SHISA9: variants seen among roughly 807,000 people sequenced by gnomAD.
The protein encoded by SHISA9 is shisa family member 9.
SHISA9 carries 13 observed loss-of-function variants against 38.0 expected under a neutral mutation model. That is an observed-to-expected ratio of 0.34 (90% confidence interval 0.22 to 0.54). The LOEUF is 0.54. Ranked by LOEUF, SHISA9 falls within the 20% of genes least tolerant of loss-of-function variation. The pLI is 0.91. For synonymous variants in SHISA9, 275 were observed against 242.0 expected, an observed-to-expected ratio of 1.14 and a Z score of -1.27; for missense variants, 538 against 575.8, an observed-to-expected ratio of 0.93 and a Z score of 0.67.
chr16:13,317,411 C>A, the SHISA9 span, among the ~76,000 whole-genome samples: 2 of 152,150 alleles, frequency 1.3e-5, no homozygotes, highest in South Asian at 4.1e-4. Flanking sequence ...GAAATTTAGG[C>A]AAAGAGTTCA....
chr16:13,224,604 G>A (rs1463898965), intron 4 of SHISA9, among the ~76,000 whole-genome samples: 1 of 152,250 alleles, frequency 6.6e-6, no homozygotes, highest in Non-Finnish European at 1.5e-5. Context: ...GGATACAGCA[G>A]TGAGCAGAAC....
chr16:12,989,285 C>T (rs1159544734), intron 2 of SHISA9, among the ~76,000 whole-genome samples: 1 of 152,104 alleles, frequency 6.6e-6, no homozygotes, highest in Non-Finnish European at 1.5e-5. Context: ...TCAAGTGATT[C>T]TCCTGCCTCA....
chr16:13,172,039 ACTTTCTCTCCTTCCCTTCCTTTCCCCC>A (rs912726493), intron 2 of SHISA9, among the ~76,000 whole-genome samples: 2 of 151,454 alleles, frequency 1.3e-5, no homozygotes, highest in Non-Finnish European at 2.9e-5. Flanking sequence ...CTTCCTTCCC[ACTTTCTCTCCTTCCCTTCCTTTCCCCC>A]CTTTCCCTCC....
intron 2 of SHISA9, among the ~76,000 whole-genome samples, chr16:13,074,481 A>G (rs1017814870): frequency 6.6e-6 from 1 of 152,148 alleles, no homozygotes; most frequent in Non-Finnish European, 1.5e-5. Flanking sequence ...TATGCACACT[A>G]AAAATTGAGA....
At chr16:13,542,426 G>A in the SHISA9 span, among the ~76,000 whole-genome samples, 2 of 152,000 alleles carry the variant, frequency 1.3e-5, no homozygotes, top group East Asian at 3.9e-4. Context: ...AGATAACATC[G>A]TGTTCATTGT....
chr16:13,405,662 G>T, the SHISA9 span, among the ~76,000 whole-genome samples: 2 of 152,100 alleles, frequency 1.3e-5, no homozygotes, highest in African/African-American at 2.4e-5. Flanking sequence ...GTCTGTTGGT[G>T]TCAGCTTTAT....
At chr16:13,261,453 G>A in the SHISA9 span, among the ~76,000 whole-genome samples, 2 of 152,110 alleles carry the variant, frequency 1.3e-5, no homozygotes, top group Non-Finnish European at 2.9e-5. Context: ...CTTGAGCAAG[G>A]CCACAAAGCT....
chr16:13,357,679 G>T, the SHISA9 span, among the ~76,000 whole-genome samples: 1 of 152,178 alleles, frequency 6.6e-6, no homozygotes, highest in African/African-American at 2.4e-5. Flanking sequence ...AAGAGAGTCA[G>T]CGAAGGGACA....
At chr16:13,196,800 T>A (rs1184699314) in intron 2 of SHISA9, among the ~76,000 whole-genome samples, 4 of 152,098 alleles carry the variant, frequency 2.6e-5, no homozygotes, top group East Asian at 3.9e-4. Flanking sequence ...GTTTAAAAAA[T>A]TTATTGTTTG....
In SHISA9 at chr16:13,001,469, T is replaced by C. The variant is rs535536390; in HGVS notation, c.691+84654T>C. ...TTACCTAGACCTTTGGTTCTGGATGTTGGCTTCAGAAAGAATCTCCTCTAG... is the reference window on the plus strand; with the variant it reads ...TTACCTAGACCTTTGGTTCTGGATGCTGGCTTCAGAAAGAATCTCCTCTAG... On this transcript the variant is annotated intron_variant, in intron 2 of 4. Coordinates refer to ENST00000558583, the MANE Select transcript of SHISA9 (RefSeq NM_001145204.3). 1.7e-3 allele frequency among the ~76,000 whole-genome samples: 253 copies of C among 152,318 alleles called. 2 individuals carry two copies. The highest frequency in any genetic ancestry group is 1.9e-3 in the Non-Finnish European group (128 of 68,022).
At chr16:13,180,580 C>T (rs1385679953) in intron 2 of SHISA9, among the ~76,000 whole-genome samples, 1 of 152,142 alleles carries the variant, frequency 6.6e-6, no homozygotes, top group Non-Finnish European at 1.5e-5. Flanking sequence ...CACCTGTCTT[C>T]TCAGCTACTT....
intron 2 of SHISA9, among the ~76,000 whole-genome samples, chr16:13,158,733 CAT>C (rs1567231026): frequency 6.6e-6 from 1 of 152,048 alleles, no homozygotes; most frequent in Non-Finnish European, 1.5e-5. Flanking sequence ...AGCTCCCAAA[CAT>C]AGGAGAAGGT....
chr16:13,126,753 G>C (rs546147818), intron 2 of SHISA9, among the ~76,000 whole-genome samples: 1 of 147,192 alleles, frequency 6.8e-6, no homozygotes, highest in African/African-American at 2.5e-5. Flanking sequence ...GAGGGAAGAA[G>C]AGAGAGAGAG....
chr16:12,926,067 T>C (rs891130620), intron 2 of SHISA9, among the ~76,000 whole-genome samples: 23 of 152,204 alleles, frequency 1.5e-4, no homozygotes, highest in African/African-American at 5.5e-4. Context: ...ATAATTGAAA[T>C]GTGTATTGCA....
At chr16:13,394,928 G>GGGGTGT in the SHISA9 span, among the ~76,000 whole-genome samples, 90 of 139,502 alleles carry the variant, frequency 6.5e-4, no homozygotes, top group Admixed American at 1.4e-3. Context: ...CAGTATCTGG[G>GGGGTGT]GTGTGTGTGT....
At chr16:13,458,081 C>G in the SHISA9 span, among the ~76,000 whole-genome samples, 1 of 152,030 alleles carries the variant, frequency 6.6e-6, no homozygotes, top group African/African-American at 2.4e-5. Context: ...AGTGGATGAA[C>G]CTATATTGAG....
chr16:13,371,826 A>C, the SHISA9 span, among the ~76,000 whole-genome samples: 47 of 152,352 alleles, frequency 3.1e-4, no homozygotes, highest in African/African-American at 1.1e-3. Flanking sequence ...ACTGTGACTC[A>C]ATCCTCAGTC....
At chr16:13,489,731 T>A in the SHISA9 span, among the ~76,000 whole-genome samples, 2 of 152,200 alleles carry the variant, frequency 1.3e-5, no homozygotes, top group African/African-American at 4.8e-5. Context: ...CAGTCTCAGG[T>A]ATGTCTTTAC....
chr16:13,505,386 A>G, the SHISA9 span, among the ~76,000 whole-genome samples: 1 of 152,166 alleles, frequency 6.6e-6, no homozygotes, highest in Non-Finnish European at 1.5e-5. Context: ...GGGGTAATGG[A>G]GAAAGAAAGC....
Sources: allele counts gnomAD v4.1 joint callset (sites outside exome capture counted in the v4.1 genomes callset), GRCh38; gene constraint gnomAD v4.1.1; transcripts MANE v1.5; gene names NCBI Gene and HGNC (gene_info 2026-07-23, HGNC 2026-07-21).